ZNF44: variants seen among roughly 807,000 people sequenced by gnomAD.
The protein encoded by ZNF44 is gonadotropin inducible transcription repressor-2.
ZNF44 carries 9 observed loss-of-function variants against 11.7 expected under a neutral mutation model. The observed-to-expected ratio is 0.77, with a 90% CI of 0.46 to 1.35. The LOEUF (loss-of-function observed/expected upper bound fraction) is 1.35. ZNF44 is among the 40% of genes most tolerant of loss of function. The pLI is 0.00. For synonymous variants in ZNF44, 224 were observed against 242.7 expected (o/e 0.92, Z 0.72); for missense variants, 696 against 743.1 (o/e 0.94, Z 0.74).
In ZNF44 at chr19:12,272,085, C is replaced by T; in HGVS notation, c.*322G>A. On this transcript the variant is annotated 3_prime_UTR_variant, in exon 4 of 4. Transcript: ENST00000355684. Reference sequence around the variant, plus strand: ...AATCTCGGCTCACTGCAACCTCCACCTCCCGGGTTCAAGGGATTCTCCTGC... The same window carrying T: ...AATCTCGGCTCACTGCAACCTCCACTTCCCGGGTTCAAGGGATTCTCCTGC... The T allele has an allele frequency of 5.3e-6, 1 of 189,330 alleles. No individual in the cohort carries two copies. Among genetic ancestry groups the T allele is most frequent in the Non-Finnish European group, 1.1e-5 (1 of 94,116 alleles). The allele number at this position is 189,330 out of a possible 1,614,324, so 11.7% of individuals were successfully genotyped here.
downstream of ZNF44, among the ~76,000 whole-genome samples, chr19:12,243,199 ATGTTT>A (rs574778593): frequency 4.1e-4 from 63 of 152,314 alleles, no homozygotes; most frequent in African/African-American, 1.5e-3. Context: ...ATGTACAGTT[ATGTTT>A]TGATGTATAT....
chr19:12,234,382 T>C (rs1301116388), intron 2 of ZNF44, among the ~76,000 whole-genome samples: 1 of 152,224 alleles, frequency 6.6e-6, no homozygotes, highest in Admixed American at 6.5e-5. Context: ...CTCAAGGGAT[T>C]TTCCTCTTGT....
rs139883499 is a variant in ZNF44, at chr19:12,277,478, A to C, written c.4-1396T>G. On this transcript the variant is annotated intron_variant, in intron 1 of 3. Transcript: ENST00000355684. ...ATTTAATAATCAATAACATTACATA[A>C]ACCAATTTTTATAGAAGTCATAAAT... 1.1e-3 allele frequency among the ~76,000 whole-genome samples: 172 copies of C among 152,350 alleles called. 2 individuals carry two copies. Among genetic ancestry groups the C allele is most frequent in the South Asian group, 0.01 (50 of 4,834 alleles).
chr19:12,293,464 C>T (rs1968102612), intron 1 of ZNF44: 1 of 1,317,284 alleles, frequency 7.6e-7, no homozygotes, highest in Non-Finnish European at 1.0e-6. Context: ...ATAAAAGAGG[C>T]ACAAAGGTTT....
rs766761966 is a variant in ZNF44 at position 12,272,957 on chromosome 19, G to A, written c.1298C>T (p.Ser433Phe). Residue 433 changes from serine (S) to phenylalanine (F), a missense_variant, in exon 4 of 4, where the codon TCC becomes TTC. Ser to Phe is a radical substitution (Grantham distance 155). Transcript: ENST00000355684. ...TGTTTCATGTTTTCGAAGGGAACTG[G>A]AAGTACGGAAGGCTTTCCCACATTG... ...CKQCGKAFRT[S>F]SSLRKHETTH... The A allele has an allele frequency of 1.9e-6, 3 of 1,613,572 alleles. No individual in the cohort carries two copies. In the East Asian group the frequency reaches 6.7e-5, roughly 36 times the overall value.
At chr19:12,229,457 A>G (rs1599479668) in intron 3 of ZNF44, among the ~76,000 whole-genome samples, 1 of 152,192 alleles carries the variant, frequency 6.6e-6, no homozygotes, top group African/African-American at 2.4e-5. Context: ...GATTTTATAC[A>G]TGCACCAAGA....
chr19:12,241,662 T>A (rs1916618940), upstream of ZNF44, among the ~76,000 whole-genome samples: 1 of 152,090 alleles, frequency 6.6e-6, no homozygotes, highest in South Asian at 2.1e-4. Context: ...ACCACTGCAC[T>A]CCAGCCTGGG....
chr19:12,253,972 C>T (rs1050108351), intron 5 of ZNF44, among the ~76,000 whole-genome samples: 1 of 152,070 alleles, frequency 6.6e-6, no homozygotes, highest in Non-Finnish European at 1.5e-5. Context: ...CAGCGAGACT[C>T]TGTCTCGAAA....
At chr19:12,247,044 A>T (rs1350128965), downstream of ZNF44, among the ~76,000 whole-genome samples, 1 of 151,312 alleles carries the variant, frequency 6.6e-6, no homozygotes, top group Non-Finnish European at 1.5e-5. Context: ...AAAATATTTT[A>T]AAATAAAAAT....
downstream of ZNF44, among the ~76,000 whole-genome samples, chr19:12,245,374 CAGA>C (rs1287901174): frequency 1.3e-5 from 2 of 152,118 alleles, no homozygotes; most frequent in Non-Finnish European, 2.9e-5. Flanking sequence ...GAAATACCTG[CAGA>C]AGTTGTTTGA....
rs1917722210 is a variant in ZNF44, at chr19:12,266,233, C to T, written c.1912+6254G>A. 5 of 985,080 alleles carry T rather than the reference C, an allele frequency of 5.1e-6. No homozygotes were observed. The South Asian group carries it at 1.9e-4, about 37-fold the overall frequency. 61.0% of individuals were successfully genotyped at this position (985,080 alleles called of 1,614,324 possible). ...TCCCGCCACAGCCGGTCCCAGCCAG[C>T]CCCTCCTCCCGCGTGTCGGGACCCC... is the stretch of plus-strand genomic sequence containing the variant. On this transcript the variant is annotated intron_variant and NMD_transcript_variant, in intron 5 of 7. Transcript: ENST00000393337.
downstream of ZNF44, chr19:12,247,472 T>C (rs745981664): frequency 5.2e-6 from 7 of 1,338,790 alleles, no homozygotes; most frequent in South Asian, 8.2e-5. Flanking sequence ...TTCGTTCATG[T>C]ATATGAATAT....
intron 2 of ZNF44, among the ~76,000 whole-genome samples, chr19:12,232,547 T>C (rs1417638637): frequency 6.6e-6 from 1 of 152,188 alleles, no homozygotes; most frequent in African/African-American, 2.4e-5. Context: ...TGATGACTCT[T>C]AACGAGCATG....
intron 1 of ZNF44, 35 bp downstream of exon 1, chr19:12,294,657 G>A: frequency 6.4e-7 from 1 of 1,553,966 alleles, no homozygotes; most frequent in Non-Finnish European, 8.7e-7. Flanking sequence ...CCAGCCCTTC[G>A]CCCTGCCTCA....
At chr19:12,252,743 A>C (rs1917060299) in intron 5 of ZNF44, among the ~76,000 whole-genome samples, 1 of 151,988 alleles carries the variant, frequency 6.6e-6, no homozygotes, top group Non-Finnish European at 1.5e-5. Context: ...AAAAAAAAAA[A>C]GTATAATCAA....
intron 3 of ZNF44, among the ~76,000 whole-genome samples, chr19:12,227,564 C>T (rs1046732027): frequency 6.6e-6 from 1 of 152,202 alleles, no homozygotes; most frequent in African/African-American, 2.4e-5. Flanking sequence ...CAAGATCGTG[C>T]CATTGCACTC....
chr19:12,294,732 C>G lies in ZNF44; in HGVS notation c.-38G>C, dbSNP rs778870680. ...CGGTGTCCCGGGTCCTCCCAACTCC[C>G]GTAGTCAGGGTAGGTCCCAGCGCGA... On this transcript the variant is annotated 5_prime_UTR_variant, in exon 1 of 4. Coordinates refer to ENST00000355684, the MANE Select transcript of ZNF44 (RefSeq NM_016264.4). The G allele has an allele frequency of 1.3e-6, 2 of 1,552,668 alleles. No homozygotes were observed. The highest frequency in any genetic ancestry group is 2.4e-5 in the South Asian group (2 of 83,842).
chr19:12,243,521 A>C (rs1270170288), downstream of ZNF44, among the ~76,000 whole-genome samples: 1 of 152,206 alleles, frequency 6.6e-6, no homozygotes, highest in East Asian at 1.9e-4. Context: ...CGGCTGAGTA[A>C]TATTCTGTTT....
At chr19:12,236,415 G>A (rs774854011) in intron 1 of ZNF44, among the ~76,000 whole-genome samples, 1 of 152,178 alleles carries the variant, frequency 6.6e-6, no homozygotes, top group Non-Finnish European at 1.5e-5. Flanking sequence ...CCAATTTAGA[G>A]GAAAATGAAG....
Sources: allele counts gnomAD v4.1 joint callset (sites outside exome capture counted in the v4.1 genomes callset), GRCh38; gene constraint gnomAD v4.1.1; transcripts MANE v1.5; gene names NCBI Gene and HGNC (gene_info 2026-07-23, HGNC 2026-07-21).